PARD3: variants seen among roughly 807,000 people sequenced by gnomAD.
PARD3 encodes the protein par-3 family cell polarity regulator, also known as partitioning defective 3 homolog.
A neutral mutation model predicts 155.4 loss-of-function variants in PARD3; 75 were observed. The observed-to-expected ratio is 0.48, with a 90% CI of 0.40 to 0.58. The LOEUF is 0.58. Ranked by LOEUF, PARD3 falls within the 20% of genes least tolerant of loss-of-function variation. The probability of loss-of-function intolerance (pLI) is 0.00; values close to 1 mark genes in which losing one functional copy is unlikely to be tolerated. For synonymous variants in PARD3, 576 were observed against 610.5 expected, an observed-to-expected ratio of 0.94 and a Z score of 0.83; for missense variants, 1,642 against 1,721.7, an observed-to-expected ratio of 0.95 and a Z score of 0.82.
intron 22 of PARD3, among the ~76,000 whole-genome samples, chr10:34,131,871 G>A (rs1947634893): frequency 6.6e-6 from 1 of 151,902 alleles, no homozygotes; most frequent in Non-Finnish European, 1.5e-5. Context: ...ATCTGGCAAG[G>A]TGTTGGCAGG....
chr10:34,431,366 C>A (rs948494325), intron 5 of PARD3, among the ~76,000 whole-genome samples: 1 of 152,176 alleles, frequency 6.6e-6, no homozygotes, highest in African/African-American at 2.4e-5. Context: ...GAAGGCACAG[C>A]AGTCCACCAG....
intron 2 of PARD3, among the ~76,000 whole-genome samples, chr10:34,666,797 A>AAAAAAAAAATATATG (rs71033331): frequency 1.5e-5 from 1 of 65,092 alleles, no homozygotes; most frequent in African/African-American, 6.5e-5. Context: ...AAAAAAAAAA[A>AAAAAAAAAATATATG]TATATATATA....
chr10:34,567,945 T>C (rs929664476), intron 2 of PARD3, among the ~76,000 whole-genome samples: 1 of 152,228 alleles, frequency 6.6e-6, no homozygotes, highest in Non-Finnish European at 1.5e-5. Flanking sequence ...TTGTATCCTA[T>C]ATCCAACAAA....
chr10:34,692,217 A>C (rs1396543178), intron 2 of PARD3, among the ~76,000 whole-genome samples: 1 of 132,358 alleles, frequency 7.6e-6, no homozygotes, highest in South Asian at 2.7e-4. Context: ...GGGTGATAAG[A>C]GCGAGACTTC....
chr10:34,777,103 G>A (rs989533016), intron 1 of PARD3, among the ~76,000 whole-genome samples: 12 of 147,852 alleles, frequency 8.1e-5, no homozygotes, highest in South Asian at 2.1e-4. Context: ...CACCCACTTC[G>A]GCCTCCCAAA....
At chr10:34,522,853 A>G (rs1190005535) in intron 2 of PARD3, among the ~76,000 whole-genome samples, 2 of 152,226 alleles carry the variant, frequency 1.3e-5, no homozygotes, top group African/African-American at 4.8e-5. Context: ...ATAAATAAAT[A>G]CAGAATAAAT....
At chr10:34,130,778 A>G (rs907365827) in intron 23 of PARD3, among the ~76,000 whole-genome samples, 6 of 152,238 alleles carry the variant, frequency 3.9e-5, no homozygotes, top group African/African-American at 1.4e-4. Flanking sequence ...AAGAATTACT[A>G]GACCTGGCAC....
At chr10:34,745,672 G>A (rs1835218707) in intron 1 of PARD3, among the ~76,000 whole-genome samples, 1 of 152,154 alleles carries the variant, frequency 6.6e-6, no homozygotes, top group African/African-American at 2.4e-5. Flanking sequence ...GGGCACAGTG[G>A]CTCATGCCTG....
At chr10:34,353,724 TA>T (rs201785915) in intron 14 of PARD3, among the ~76,000 whole-genome samples, 1 of 147,906 alleles carries the variant, frequency 6.8e-6, no homozygotes. Flanking sequence ...AATAAATAAA[TA>T]AAAAAATAAA....
In PARD3 at chr10:34,227,210, C is replaced by G. The variant is rs138914282; in HGVS notation, c.3419+42447G>C. 9.4e-3 allele frequency among the ~76,000 whole-genome samples: 1,425 copies of G among 152,304 alleles called. 26 individuals carry two copies. The highest frequency in any genetic ancestry group is 0.033 in the African/African-American group (1,374 of 41,574). ...TTAAGAAATGGGCAAAGGACATGAACAGACACTTCCCAAAAGAAAACATAC... is the reference window on the plus strand; with the variant it reads ...TTAAGAAATGGGCAAAGGACATGAAGAGACACTTCCCAAAAGAAAACATAC... On this transcript the variant is annotated intron_variant, in intron 22 of 24. Coordinates refer to ENST00000374788, the MANE Select transcript of PARD3 (RefSeq NM_001184785.2).
At chr10:34,407,177 T>C (rs1236297667) in intron 5 of PARD3, among the ~76,000 whole-genome samples, 1 of 152,214 alleles carries the variant, frequency 6.6e-6, no homozygotes, top group African/African-American at 2.4e-5. Flanking sequence ...GCATTATGTC[T>C]TTATTTTTAT....
chr10:34,471,009 A>T (rs1435553938), intron 3 of PARD3, among the ~76,000 whole-genome samples: 1 of 152,196 alleles, frequency 6.6e-6, no homozygotes, highest in Non-Finnish European at 1.5e-5. Flanking sequence ...TTATGTATCA[A>T]TTTTTAAAAA....
At position 34,750,060 on chromosome 10, in the gene PARD3, C is replaced by G. The variant is rs920515009; in HGVS notation, c.121-53641G>C. Among the ~76,000 whole-genome samples the G allele has an allele frequency of 3.2e-5, 4 of 124,354 alleles. No homozygotes were observed. In the South Asian group the frequency reaches 1.2e-3, roughly 38 times the overall value. 81.6% of individuals were successfully genotyped at this position (124,354 alleles called of 152,430 possible). A position where few individuals can be genotyped will look rare whatever the true frequency, so the allele number is the denominator to read the frequency against. ...ACACACACACACACACACACACACA[C>G]ACACACACACAAAACCCGCAGTCTC... is the stretch of plus-strand genomic sequence containing the variant. On this transcript the variant is annotated intron_variant, in intron 1 of 24. Coordinates refer to ENST00000374788, the MANE Select transcript of PARD3 (RefSeq NM_001184785.2).
intron 21 of PARD3, among the ~76,000 whole-genome samples, chr10:34,275,926 C>T (rs1030165381): frequency 6.6e-6 from 1 of 152,112 alleles, no homozygotes; most frequent in Non-Finnish European, 1.5e-5. Context: ...CATTCTCTAT[C>T]CCATTTATCT....
At chr10:34,321,996 A>G (rs1317578014) in intron 19 of PARD3, among the ~76,000 whole-genome samples, 1 of 152,034 alleles carries the variant, frequency 6.6e-6, no homozygotes, top group Non-Finnish European at 1.5e-5. Context: ...TACTGTTGAT[A>G]CTATAATTTC....
chr10:34,367,630 G>A (rs1395287806), intron 12 of PARD3, among the ~76,000 whole-genome samples: 1 of 152,154 alleles, frequency 6.6e-6, no homozygotes, highest in African/African-American at 2.4e-5. Flanking sequence ...CTTGAGCCTG[G>A]GCGAGAAGGT....
At chr10:34,490,981 A>G (rs2079861932) in intron 3 of PARD3, among the ~76,000 whole-genome samples, 2 of 152,298 alleles carry the variant, frequency 1.3e-5, no homozygotes, top group African/African-American at 4.8e-5. Flanking sequence ...TCTAGAAGAG[A>G]ATTATTGCTC....
intron 2 of PARD3, among the ~76,000 whole-genome samples, chr10:34,615,995 G>A (rs1007362516): frequency 6.6e-6 from 1 of 152,166 alleles, no homozygotes; most frequent in African/African-American, 2.4e-5. Context: ...CACCCCTGGT[G>A]GGAATGCAAA....
chr10:34,552,445 C>T (rs946421562), intron 2 of PARD3, among the ~76,000 whole-genome samples: 3 of 152,194 alleles, frequency 2.0e-5, no homozygotes, highest in African/African-American at 7.2e-5. Context: ...TAGTGGCTCA[C>T]GCCTGTAATC....
Sources: gnomAD v4.1 joint callset for allele counts (sites outside exome capture counted in the v4.1 genomes callset) on GRCh38, gnomAD v4.1.1 for gene constraint, MANE v1.5 for transcripts, NCBI Gene and HGNC (gene_info 2026-07-23, HGNC 2026-07-21) for gene names.